Variants in ANKRD28 observed in about 807,000 individuals in gnomAD.
The protein encoded by ANKRD28 is ankyrin repeat domain 28.
A neutral mutation model predicts 126.5 loss-of-function variants in ANKRD28; 44 were observed. That is an observed-to-expected ratio of 0.35 (90% CI 0.27 to 0.45). The LOEUF (loss-of-function observed/expected upper bound fraction) is 0.45. ANKRD28 is among the 20% of genes least tolerant of loss of function. The pLI is 1.00. For missense variants in ANKRD28, 1,110 were observed against 1,316.6 expected (o/e 0.84, Z 2.43); for synonymous variants, 442 against 468.5 (o/e 0.94, Z 0.73).
At chr3:15,766,722 C>A (rs1004715754) in intron 2 of ANKRD28, among the ~76,000 whole-genome samples, 3 of 151,940 alleles carry the variant, frequency 2.0e-5, no homozygotes. Flanking sequence ...TATTTCCTTG[C>A]TAAGGCAAAA....
At chr3:15,857,068 A>G (rs1045128084) in intron 1 of ANKRD28, among the ~76,000 whole-genome samples, 21 of 152,278 alleles carry the variant, frequency 1.4e-4, no homozygotes, top group African/African-American at 4.6e-4. Flanking sequence ...GGAAAGTTTA[A>G]GAGTATTTGC....
intron 1 of ANKRD28, among the ~76,000 whole-genome samples, chr3:15,852,279 A>G (rs1344086044): frequency 6.6e-6 from 1 of 152,232 alleles, no homozygotes; most frequent in Non-Finnish European, 1.5e-5. Flanking sequence ...CTGCCTCTCT[A>G]TACTAATTTA....
At chr3:15,709,795 G>A in intron 12 of ANKRD28, 59 bp from the exon 13 acceptor site, 1 of 1,207,638 alleles carries the variant, frequency 8.3e-7, no homozygotes, top group African/African-American at 1.5e-5. Flanking sequence ...AATGAAATTG[G>A]TAGGTTTAAA....
intron 3 of ANKRD28, among the ~76,000 whole-genome samples, chr3:15,765,284 T>C (rs2058686455): frequency 6.6e-6 from 1 of 152,140 alleles, no homozygotes. Flanking sequence ...CTTCATATTA[T>C]AAAGACTTAA....
In ANKRD28 at chr3:15,850,202, A is replaced by ATATAT. The variant is rs1455598240; in HGVS notation, c.27+9174_27+9175insATATA. On this transcript the variant is annotated intron_variant, in intron 1 of 27. Coordinates refer to the ANKRD28 transcript ENST00000399451. ...TATCTACATGCAATAAAAAAAAAAAAAAATATATATATATATATATATAGA... is the reference window on the plus strand; with the variant it reads ...TATCTACATGCAATAAAAAAAAAAAATATATAAATATATATATATATATATATAGA... Among the ~76,000 whole-genome samples the ATATAT allele has an allele frequency of 3.6e-3, 196 of 55,014 alleles. 6 individuals carry two copies. The highest frequency in any genetic ancestry group is 0.016 in the South Asian group (24 of 1,510). The allele number at this position is 55,014 out of a possible 152,430, so 36.1% of individuals were successfully genotyped here. A position where few individuals can be genotyped will look rare whatever the true frequency, so the allele number is the denominator to read the frequency against.
Position 15,816,068 on chromosome 3 carries a change from T to C in ANKRD28, c.28-20762A>G, listed in dbSNP as rs4478061. Among the ~76,000 whole-genome samples the C allele has an allele frequency of 6.6e-6, 1 of 152,192 alleles. No homozygotes were observed. Among genetic ancestry groups the C allele is most frequent in the African/African-American group, 2.4e-5 (1 of 41,452 alleles). Reference sequence around the variant, plus strand: ...CAAGCTCAAAACAATATCACGAGCGTATTTCTGACTGATTGAAAACCGCCT... The same window carrying C: ...CAAGCTCAAAACAATATCACGAGCGCATTTCTGACTGATTGAAAACCGCCT... On this transcript the variant is annotated intron_variant, in intron 1 of 27. Coordinates refer to the ANKRD28 transcript ENST00000399451. This position sits in a 1 kb window ranked among gnomAD's most constrained non-coding sequence, Gnocchi z 5.0.
At chr3:15,796,289 T>G (rs1471614342) in intron 1 of ANKRD28, 116 bp downstream of exon 1, 1 of 501,902 alleles carries the variant, frequency 2.0e-6, no homozygotes, top group African/African-American at 2.1e-5. Context: ...ACACACGTAT[T>G]GCTTTAATTT....
chr3:15,836,797 C>A (rs990925030), intron 1 of ANKRD28, among the ~76,000 whole-genome samples: 2 of 152,070 alleles, frequency 1.3e-5, no homozygotes, highest in African/African-American at 2.4e-5. Flanking sequence ...AGCTAACAGG[C>A]CAGGCGTGGT....
rs2061715488 is a variant in ANKRD28 at position 15,854,307 on chromosome 3, G to A, written c.27+5070C>T. Among the ~76,000 whole-genome samples the A allele has an allele frequency of 6.6e-6, 1 of 152,150 alleles. No homozygotes were observed. The highest frequency in any genetic ancestry group is 2.4e-5 in the African/African-American group (1 of 41,416). ...CACACTCCAATCAAGACTATCTCCTGATTATCCCATCCATCCTTCCTGGCT... is the reference window on the plus strand; with the variant it reads ...CACACTCCAATCAAGACTATCTCCTAATTATCCCATCCATCCTTCCTGGCT... On this transcript the variant is annotated intron_variant, in intron 1 of 27. Coordinates refer to the ANKRD28 transcript ENST00000399451. The surrounding 1 kb of genome is among the most constrained non-coding windows in gnomAD (Gnocchi z 4.1).
At chr3:15,698,513 CCTT>C (rs1180199625) in intron 14 of ANKRD28, among the ~76,000 whole-genome samples, 2 of 152,174 alleles carry the variant, frequency 1.3e-5, no homozygotes, top group Non-Finnish European at 2.9e-5. Flanking sequence ...CTCAAAATCT[CCTT>C]AAGCTGATAA....
At chr3:15,699,376 G>A (rs2070196965) in intron 14 of ANKRD28, among the ~76,000 whole-genome samples, 2 of 152,122 alleles carry the variant, frequency 1.3e-5, no homozygotes, top group South Asian at 4.1e-4. Context: ...AGCAACAGAA[G>A]CCAAAATAGA....
chr3:15,853,564 G>A lies in ANKRD28; in HGVS notation c.27+5813C>T, dbSNP rs1559601197. Among the ~76,000 whole-genome samples the A allele has an allele frequency of 1.3e-5, 2 of 151,966 alleles. No individual in the cohort carries two copies. Among genetic ancestry groups the A allele is most frequent in the Non-Finnish European group, 2.9e-5 (2 of 67,990 alleles). Reference sequence around the variant, plus strand: ...GGCTCACTGCAAGCTCCGCCTCCTGGGTTCATGCCATTCTCCTGCCTCAGC... The same window carrying A: ...GGCTCACTGCAAGCTCCGCCTCCTGAGTTCATGCCATTCTCCTGCCTCAGC... On this transcript the variant is annotated intron_variant, in intron 1 of 27. Transcript: ENST00000399451. The surrounding 1 kb of genome is among the most constrained non-coding windows in gnomAD (Gnocchi z 4.2).
At chr3:15,811,628 T>C (rs1375090294) in intron 1 of ANKRD28, among the ~76,000 whole-genome samples, 8 of 152,106 alleles carry the variant, frequency 5.3e-5, no homozygotes, top group African/African-American at 1.9e-4. Context: ...CTAATTTTTG[T>C]ATTTTTGGTA....
At chr3:15,739,899 T>C (rs1030672719) in intron 4 of ANKRD28, among the ~76,000 whole-genome samples, 1 of 152,238 alleles carries the variant, frequency 6.6e-6, no homozygotes, top group Non-Finnish European at 1.5e-5. Context: ...TATGGAGGCC[T>C]ATCACTCCAC....
chr3:15,737,318 A>G, intron 4 of ANKRD28, 85 bp from the exon 5 acceptor site: 1 of 1,134,970 alleles, frequency 8.8e-7, no homozygotes, highest in African/African-American at 1.6e-5. Flanking sequence ...GTGTGTGTAT[A>G]AATATGTATC....
chr3:15,723,877 A>G (rs1027338530), intron 7 of ANKRD28, among the ~76,000 whole-genome samples: 4 of 152,254 alleles, frequency 2.6e-5, no homozygotes, highest in Admixed American at 6.5e-5. Flanking sequence ...CAGGAATCAA[A>G]TATGTCCAAA....
intron 17 of ANKRD28, 88 bp downstream of exon 17, chr3:15,694,651 T>C: frequency 2.8e-6 from 3 of 1,083,392 alleles, no homozygotes; most frequent in Non-Finnish European, 4.1e-6. Flanking sequence ...CAAAAGTTTA[T>C]GGTACTAGTT....
chr3:15,786,863 T>C (rs1218933050), intron 2 of ANKRD28, among the ~76,000 whole-genome samples: 2 of 152,126 alleles, frequency 1.3e-5, no homozygotes, highest in African/African-American at 4.8e-5. Flanking sequence ...TATAAACATA[T>C]GCACTAAAAT....
At chr3:15,730,897 G>C (rs957235495) in intron 6 of ANKRD28, among the ~76,000 whole-genome samples, 1 of 152,008 alleles carries the variant, frequency 6.6e-6, no homozygotes, top group Non-Finnish European at 1.5e-5. Context: ...AGGCAATAAG[G>C]GCTCTGTCCT....
Sources: allele counts gnomAD v4.1 joint callset (sites outside exome capture counted in the v4.1 genomes callset), GRCh38; gene constraint gnomAD v4.1.1; non-coding constraint Gnocchi (gnomAD v3.1); transcripts MANE v1.5; gene names NCBI Gene and HGNC (gene_info 2026-07-23, HGNC 2026-07-21).